RBPJ: variants seen among roughly 807,000 people sequenced by gnomAD.
RBPJ encodes recombining binding protein suppressor of hairless.
RBPJ carries 9 observed loss-of-function variants against 67.8 expected under a neutral mutation model. The observed-to-expected ratio is 0.13, with a 90% CI of 0.08 to 0.23. RBPJ has a LOEUF of 0.23. RBPJ is among the 10% of genes least tolerant of loss of function. RBPJ has a pLI of 1.00. For synonymous variants in RBPJ, 198 were observed against 203.3 expected, an observed-to-expected ratio of 0.97 and a Z score of 0.22; for missense variants, 305 against 595.6, an observed-to-expected ratio of 0.51 and a Z score of 5.08.
the RBPJ span, among the ~76,000 whole-genome samples, chr4:26,114,204 A>G: frequency 1.3e-5 from 2 of 152,200 alleles, no homozygotes; most frequent in African/African-American, 4.8e-5. Flanking sequence ...CATGCCTGTA[A>G]TCCCAGCACT....
rs61575988 is a variant in RBPJ, at chr4:26,407,883, C to CTTTTTTTTTTTTTTT, written c.155+1628_155+1642dup. On this transcript the variant is annotated intron_variant, in intron 3 of 10. Coordinates refer to ENST00000355476, the MANE Select transcript of RBPJ (RefSeq NM_015874.6). ...TGAAAAGAGGGGTAAAGCTTTCTTT[C>CTTTTTTTTTTTTTTT]TTTTTTTTTTTTTTTTTTTTTTTTT... 5.7e-4 allele frequency among the ~76,000 whole-genome samples: 36 copies of CTTTTTTTTTTTTTTT among 63,630 alleles called. 4 individuals are homozygous for CTTTTTTTTTTTTTTT. The highest frequency in any genetic ancestry group is 2.4e-3 in the African/African-American group (36 of 15,132). 41.7% of individuals were successfully genotyped at this position (63,630 alleles called of 152,430 possible).
At chr4:26,357,650 A>T (rs7681183) in intron 1 of RBPJ, among the ~76,000 whole-genome samples, 4 of 152,188 alleles carry the variant, frequency 2.6e-5, no homozygotes, top group Non-Finnish European at 5.9e-5. Context: ...TCACGGTGCT[A>T]TGCAACTATC....
chr4:26,374,725 C>T (rs1729530218), intron 1 of RBPJ, among the ~76,000 whole-genome samples: 2 of 151,954 alleles, frequency 1.3e-5, no homozygotes, highest in Admixed American at 1.3e-4. Context: ...CCACCTGCCT[C>T]CCAAAGTGCT....
At chr4:26,114,650 G>A in the RBPJ span, among the ~76,000 whole-genome samples, 99 of 151,878 alleles carry the variant, frequency 6.5e-4, 1 homozygote, top group South Asian at 0.018. Flanking sequence ...ATTATGGTAC[G>A]TGTTAACGTT....
chr4:26,387,307 G>T (rs1191652608), intron 2 of RBPJ, among the ~76,000 whole-genome samples: 1 of 152,064 alleles, frequency 6.6e-6, no homozygotes, highest in Non-Finnish European at 1.5e-5. Flanking sequence ...GGACACTTTG[G>T]TTATCAAGGT....
chr4:26,164,187 C>T (rs1716171741), intron 1 of RBPJ, among the ~76,000 whole-genome samples: 1 of 152,204 alleles, frequency 6.6e-6, no homozygotes, highest in African/African-American at 2.4e-5. Flanking sequence ...GAAAGGCCCA[C>T]AGCATACCAG....
chr4:26,187,270 C>T (rs1007612078), intron 1 of RBPJ, among the ~76,000 whole-genome samples: 11 of 152,112 alleles, frequency 7.2e-5, no homozygotes, highest in South Asian at 6.2e-4. Context: ...TTTTCTTTTA[C>T]GGTCAGAAAT....
At chr4:26,234,504 C>T (rs979886737) in intron 1 of RBPJ, among the ~76,000 whole-genome samples, 1 of 152,148 alleles carries the variant, frequency 6.6e-6, no homozygotes, top group Non-Finnish European at 1.5e-5. Context: ...GGCTCATTTT[C>T]TTACCTTGTT....
chr4:26,397,667 TCTGTTGCCCAGG>T (rs909165922), intron 2 of RBPJ, among the ~76,000 whole-genome samples: 2 of 152,216 alleles, frequency 1.3e-5, no homozygotes, highest in African/African-American at 4.8e-5. Flanking sequence ...AGAGTCTCAC[TCTGTTGCCCAGG>T]CTGGAGTGCA....
the RBPJ span, among the ~76,000 whole-genome samples, chr4:26,130,379 A>G: frequency 6.6e-6 from 1 of 152,218 alleles, no homozygotes; most frequent in South Asian, 2.1e-4. Flanking sequence ...GTTTTGGTCC[A>G]TTTTTGAATC....
At chr4:26,390,064 A>G (rs1731346767) in intron 2 of RBPJ, among the ~76,000 whole-genome samples, 3 of 152,226 alleles carry the variant, frequency 2.0e-5, no homozygotes, top group Admixed American at 2.0e-4. Flanking sequence ...AATGGAATCC[A>G]ACAATATATT....
intron 1 of RBPJ, among the ~76,000 whole-genome samples, chr4:26,272,045 C>G (rs1720933684): frequency 6.6e-6 from 1 of 152,156 alleles, no homozygotes; most frequent in Non-Finnish European, 1.5e-5. Flanking sequence ...ACTAGGGCAG[C>G]CTTAACCAGG....
the RBPJ span, among the ~76,000 whole-genome samples, chr4:26,141,986 C>T: frequency 6.4e-3 from 973 of 152,356 alleles, 44 homozygotes; most frequent in Admixed American, 0.06. Context: ...TTTGTTGACT[C>T]GCAGCTTAAA....
At chr4:26,109,694 TGC>T in the RBPJ span, among the ~76,000 whole-genome samples, 2 of 98,598 alleles carry the variant, frequency 2.0e-5, no homozygotes, top group Non-Finnish European at 4.3e-5. Context: ...ACAGCCACTG[TGC>T]CTGTCCACCT....
chr4:26,371,144 T>TA (rs1729125509), intron 1 of RBPJ, among the ~76,000 whole-genome samples: 1 of 152,124 alleles, frequency 6.6e-6, no homozygotes, highest in African/African-American at 2.4e-5. Flanking sequence ...TCGTGGAAAT[T>TA]AACTTAAACA....
chr4:26,258,715 G>A (rs990895454), intron 1 of RBPJ, among the ~76,000 whole-genome samples: 4 of 152,166 alleles, frequency 2.6e-5, no homozygotes, highest in African/African-American at 4.8e-5. Flanking sequence ...TGAGGGTTTC[G>A]GGAATTTAAC....
chr4:26,323,639 C>CA (rs1412583796), intron 1 of RBPJ, among the ~76,000 whole-genome samples: 2 of 152,088 alleles, frequency 1.3e-5, no homozygotes, highest in African/African-American at 4.8e-5. Flanking sequence ...TACTAATACA[C>CA]ACTTGTAGGC....
At chr4:26,397,040 GAGATCTT>G (rs1732191234) in intron 2 of RBPJ, among the ~76,000 whole-genome samples, 1 of 152,222 alleles carries the variant, frequency 6.6e-6, no homozygotes, top group Admixed American at 6.5e-5. Flanking sequence ...GAAAAACAAG[GAGATCTT>G]AGTCTGGTCT....
At chr4:26,199,991 G>T (rs1717924232) in intron 1 of RBPJ, among the ~76,000 whole-genome samples, 1 of 152,188 alleles carries the variant, frequency 6.6e-6, no homozygotes, top group African/African-American at 2.4e-5. Context: ...TGCAGTTGAT[G>T]ATGGAGGCCG....
Sources: allele counts gnomAD v4.1 joint callset (sites outside exome capture counted in the v4.1 genomes callset), GRCh38; gene constraint gnomAD v4.1.1; transcripts MANE v1.5; gene names NCBI Gene and HGNC (gene_info 2026-07-23, HGNC 2026-07-21).